The following GSPT1 variants were observed in gnomAD, a reference collection of about 807,000 sequenced individuals.
GSPT1 encodes the protein eukaryotic peptide chain release factor GTP-binding subunit ERF3A.
A neutral mutation model predicts 72.5 loss-of-function variants in GSPT1; 20 were observed. The observed-to-expected ratio is 0.28, with a 90% CI of 0.19 to 0.40. The LOEUF (loss-of-function observed/expected upper bound fraction) is 0.40, where lower values mean the gene tolerates loss of function less well. GSPT1 is among the 10% of genes least tolerant of loss of function. The pLI, the probability that GSPT1 is intolerant of heterozygous loss-of-function variation, is 1.00. For missense variants in GSPT1, 580 were observed against 811.9 expected, an observed-to-expected ratio of 0.71 and a Z score of 3.47; for synonymous variants, 334 against 293.5, an observed-to-expected ratio of 1.14 and a Z score of -1.41.
chr16:11,905,991 GAATA>G (rs1446059842), intron 1 of GSPT1, among the ~76,000 whole-genome samples: 1 of 152,174 alleles, frequency 6.6e-6, no homozygotes, highest in Non-Finnish European at 1.5e-5. Context: ...GTATTGTATA[GAATA>G]AATACACAAT....
chr16:11,886,804 T>C lies in GSPT1; in HGVS notation c.1085A>G (p.Asp362Gly). The change falls in exon 8 of 15, where the codon GAT becomes GGT. Residue 362 changes from aspartate (D) to glycine (G), a missense_variant. Asp to Gly is a moderately conservative substitution (Grantham distance 94). This residue lies in a region of GSPT1 where 34 missense variants were observed against 62.0 expected (regional missense o/e 0.55). Coordinates refer to ENST00000434724, the MANE Select transcript of GSPT1 (RefSeq NM_002094.4). Reference sequence around the variant, plus strand: ...CTCATTGCTCCAATTTACTGTTGGATCATCCATCTTATTAATTAGCACAAT... The same window carrying C: ...CTCATTGCTCCAATTTACTGTTGGACCATCCATCTTATTAATTAGCACAAT... The part of the protein sequence containing the change: ...HLIVLINKMD[D>G]PTVNWSNERY... 6.2e-7 allele frequency: 1 copy of C among 1,613,642 alleles called. No homozygotes were observed. Among genetic ancestry groups the C allele is most frequent in the Non-Finnish European group, 8.5e-7 (1 of 1,179,596 alleles).
rs140995097 is a variant in GSPT1, at chr16:11,881,655, C to CTTTTTTTTTTTTTTTTTTTTTTT, written c.1428+1359_1428+1360insAAAAAAAAAAAAAAAAAAAAAAA. 7.5e-5 allele frequency: 7 copies of CTTTTTTTTTTTTTTTTTTTTTTT among 92,746 alleles called. 2 individuals carry two copies. The highest frequency in any genetic ancestry group is 2.9e-4 in the Admixed American group (2 of 6,804). 5.7% of individuals were successfully genotyped at this position (92,746 alleles called of 1,614,324 possible). A position where few individuals can be genotyped will look rare whatever the true frequency, so the allele number is the denominator to read the frequency against. The stretch of plus-strand genomic sequence containing the variant: ...ACCAAGCTGCCTTACACTTCCATAG[C>CTTTTTTTTTTTTTTTTTTTTTTT]TTTTTTTTTTTTTTTTTTAGTAAAG... On this transcript the variant is annotated intron_variant, in intron 11 of 14. Transcript: ENST00000434724.
At chr16:11,912,932 C>T (rs1480029114) in intron 1 of GSPT1, among the ~76,000 whole-genome samples, 2 of 152,224 alleles carry the variant, frequency 1.3e-5, no homozygotes, top group African/African-American at 2.4e-5. Flanking sequence ...AAGGTCAATA[C>T]TGAATCCCAA....
intron 11 of GSPT1, among the ~76,000 whole-genome samples, chr16:11,879,725 C>T (rs572931927): frequency 2.0e-3 from 264 of 132,678 alleles, no homozygotes; most frequent in Non-Finnish European, 3.4e-3. Flanking sequence ...GGCTACAGAG[C>T]GAGACTCCGT....
At chr16:11,909,091 C>CT (rs919138531) in intron 1 of GSPT1, among the ~76,000 whole-genome samples, 56 of 145,588 alleles carry the variant, frequency 3.8e-4, no homozygotes, top group Non-Finnish European at 5.5e-4. Flanking sequence ...GCAGAATGCG[C>CT]TTTTTTTTTT....
intron 9 of GSPT1, among the ~76,000 whole-genome samples, chr16:11,885,780 G>A (rs1293204190): frequency 6.6e-6 from 1 of 151,960 alleles, no homozygotes; most frequent in Non-Finnish European, 1.5e-5. Flanking sequence ...CAGTCCCTAC[G>A]ACTTGGGAGG....
chr16:11,909,327 G>A (rs1280192306), intron 1 of GSPT1, among the ~76,000 whole-genome samples: 1 of 152,132 alleles, frequency 6.6e-6, no homozygotes, highest in African/African-American at 2.4e-5. Context: ...GGCTCACTTT[G>A]TTAAACTCTA....
chr16:11,884,481 C>G (rs1010804955), intron 10 of GSPT1, among the ~76,000 whole-genome samples: 2 of 152,128 alleles, frequency 1.3e-5, no homozygotes, highest in Non-Finnish European at 2.9e-5. Flanking sequence ...GTTTTTGGAC[C>G]GGGCATGGTG....
intron 10 of GSPT1, 90 bp downstream of exon 10, chr16:11,885,090 GA>G: frequency 3.0e-6 from 2 of 669,044 alleles, no homozygotes; most frequent in Non-Finnish European, 5.4e-6. Flanking sequence ...AGAAAGAAAA[GA>G]AAAGAAAAAA....
At chr16:11,911,817 G>T (rs1428633025) in intron 1 of GSPT1, among the ~76,000 whole-genome samples, 1 of 138,928 alleles carries the variant, frequency 7.2e-6, no homozygotes, top group Non-Finnish European at 1.5e-5. Flanking sequence ...CTCCCAAAGT[G>T]CTGGGATTAC....
chr16:11,891,954 C>T (rs572969388), intron 5 of GSPT1, among the ~76,000 whole-genome samples: 77 of 152,194 alleles, frequency 5.1e-4, no homozygotes, highest in African/African-American at 1.3e-3. Context: ...AGAACCACCA[C>T]GCCTGGCCAG....
intron 11 of GSPT1, among the ~76,000 whole-genome samples, chr16:11,878,451 G>A (rs1414853643): frequency 2.6e-5 from 4 of 152,056 alleles, no homozygotes; most frequent in Admixed American, 2.0e-4. Flanking sequence ...AGTCCACGGA[G>A]CTGGGTAGTC....
At chr16:11,890,974 C>T (rs947517094) in intron 6 of GSPT1, 88 bp downstream of exon 6, 23 of 658,984 alleles carry the variant, frequency 3.5e-5, no homozygotes, top group Non-Finnish European at 5.6e-5. Flanking sequence ...TAGACTTCAA[C>T]AATTTATATT....
Position 11,875,007 on chromosome 16 carries a change from T to C in GSPT1, c.1861+754A>G, listed in dbSNP as rs190498151. Among the ~76,000 whole-genome samples, 268 of 152,268 alleles carry C rather than the reference T, an allele frequency of 1.8e-3. 1 individual carries two copies. In the South Asian group the frequency reaches 0.027, roughly 15 times the overall value. ...GAGATCAAGACCATCCTGGCTAACG[T>C]GGTGAAACCCCGTCTCTACAAAAAT... On this transcript the variant is annotated intron_variant, in intron 14 of 14. Transcript: ENST00000434724.
At chr16:11,891,351 A>G (rs898912791) in intron 5 of GSPT1, among the ~76,000 whole-genome samples, 1 of 146,526 alleles carries the variant, frequency 6.8e-6, no homozygotes, top group Admixed American at 6.9e-5. Flanking sequence ...AAATATATAT[A>G]TTACATATAT....
chr16:11,894,738 C>T lies in GSPT1; in HGVS notation c.698+216G>A, dbSNP rs2054313286. The stretch of plus-strand genomic sequence containing the variant: ...GACCTCAAGTCCAGTGATCCTCCCA[C>T]CTTAGCCTCTCAAAATGCTGGGATT... On this transcript the variant is annotated intron_variant, in intron 5 of 14. Coordinates refer to ENST00000434724, the MANE Select transcript of GSPT1 (RefSeq NM_002094.4). Among the ~76,000 whole-genome samples, 3 of 152,186 alleles carry T rather than the reference C, an allele frequency of 2.0e-5. 1 individual carries two copies. Among genetic ancestry groups the T allele is most frequent in the Admixed American group, 2.0e-4 (3 of 15,286 alleles).
chr16:11,885,607 A>G (rs979802529), intron 9 of GSPT1, among the ~76,000 whole-genome samples: 1 of 152,182 alleles, frequency 6.6e-6, no homozygotes, highest in Non-Finnish European at 1.5e-5. Context: ...AACATACAGT[A>G]TTGGCTGCGT....
intron 5 of GSPT1, among the ~76,000 whole-genome samples, chr16:11,894,686 T>C (rs1317621913): frequency 6.6e-6 from 1 of 152,206 alleles, no homozygotes; most frequent in Non-Finnish European, 1.5e-5. Context: ...AGTCTCATTG[T>C]CTTGCCCAGG....
intron 1 of GSPT1, among the ~76,000 whole-genome samples, chr16:11,900,162 T>C (rs2054387731): frequency 6.6e-6 from 1 of 151,854 alleles, no homozygotes; most frequent in South Asian, 2.1e-4. Flanking sequence ...GGCAAAACCC[T>C]GTCTCTACTG....
Sources: gnomAD v4.1 joint callset for allele counts (sites outside exome capture counted in the v4.1 genomes callset) on GRCh38, gnomAD v4.1.1 for gene constraint, gnomAD v4.1.1 regional missense constraint, MANE v1.5 for transcripts, NCBI Gene and HGNC (gene_info 2026-07-23, HGNC 2026-07-21) for gene names.